Variants in NAGK observed in about 807,000 individuals in gnomAD.
NAGK encodes N-acetylglucosamine kinase, also known as N-acetyl-D-glucosamine kinase.
NAGK carries 35 observed loss-of-function variants against 42.9 expected under a neutral mutation model. The observed-to-expected ratio is 0.82, with a 90% CI of 0.62 to 1.08. The LOEUF is 1.08. Ranked by LOEUF, NAGK falls within the 50% of genes least tolerant of loss-of-function variation. The pLI is 0.00. For synonymous variants in NAGK, 172 were observed against 176.0 expected, an observed-to-expected ratio of 0.98 and a Z score of 0.18; for missense variants, 446 against 446.0, an observed-to-expected ratio of 1.00 and a Z score of 0.00.
chr2:71,073,326 C>A (rs989543948), intron 5 of NAGK, 156 bp from the exon 6 acceptor site: 1 of 424,448 alleles, frequency 2.4e-6, no homozygotes, highest in African/African-American at 2.0e-5. Context: ...ACCCTCCCAC[C>A]CCCCTCTCCC....
rs1169784088 is a variant in NAGK, at chr2:71,079,791, TAAATAA to T, written c.*1292_*1297del. On this transcript the variant is annotated 3_prime_UTR_variant, in exon 10 of 10. Coordinates refer to ENST00000244204, the MANE Select transcript of NAGK (RefSeq NM_017567.6). Reference sequence around the variant, plus strand: ...AGCGAGACTCTGCCTCAAAAAATAATAAATAAAAATAAAATCAGGTTTTTGTCTACT... The same window carrying T: ...AGCGAGACTCTGCCTCAAAAAATAATAAATAAAATCAGGTTTTTGTCTACT... 1.4e-4 allele frequency: 22 copies of T among 152,080 alleles called. No homozygotes were observed. Among genetic ancestry groups the T allele is most frequent in the Admixed American group, 1.4e-3 (22 of 15,262 alleles). The allele number at this position is 152,080 out of a possible 1,614,324, so 9.4% of individuals were successfully genotyped here. A position where few individuals can be genotyped will look rare whatever the true frequency, so the allele number is the denominator to read the frequency against.
chr2:71,077,995 G>A (rs1379091470), intron 9 of NAGK, among the ~76,000 whole-genome samples: 1 of 152,222 alleles, frequency 6.6e-6, no homozygotes, highest in Non-Finnish European at 1.5e-5. Context: ...AAGAGGCCTG[G>A]CTTCTTAGCC....
chr2:71,072,619 G>A (rs1002101997), intron 4 of NAGK, 22 bp from the exon 5 acceptor site: 54 of 1,600,278 alleles, frequency 3.4e-5, no homozygotes, highest in Non-Finnish European at 4.2e-5. Flanking sequence ...GCCACACTGA[G>A]CCTCCTATTC....
chr2:71,070,491 G>A lies in NAGK; in HGVS notation c.30-11G>A. 6.2e-7 allele frequency: 1 copy of A among 1,612,212 alleles called. No individual in the cohort carries two copies. The highest frequency in any genetic ancestry group is 8.5e-7 in the Non-Finnish European group (1 of 1,178,502). ...TCCGAGCAAGATCAAGTGCCCTCTTGTGTTCTGTAGGGGAGGCACACGATC... is the reference window on the plus strand; with the variant it reads ...TCCGAGCAAGATCAAGTGCCCTCTTATGTTCTGTAGGGGAGGCACACGATC... On this transcript the variant is annotated splice_polypyrimidine_tract_variant and intron_variant, in intron 1 of 9. Coordinates refer to ENST00000244204, the MANE Select transcript of NAGK (RefSeq NM_017567.6).
At position 71,073,462 on chromosome 2, in the gene NAGK, G is replaced by T; in HGVS notation, c.467-20G>T. The T allele has an allele frequency of 3.8e-6, 6 of 1,565,988 alleles. No individual in the cohort carries two copies. Among genetic ancestry groups the T allele is most frequent in the Non-Finnish European group, 5.3e-6 (6 of 1,136,476 alleles). On this transcript the variant is annotated intron_variant, in intron 5 of 9. Coordinates refer to ENST00000244204, the MANE Select transcript of NAGK (RefSeq NM_017567.6). The stretch of plus-strand genomic sequence containing the variant: ...CAGGATGACTGCTCCCATCTTCTTA[G>T]CCCTCTCTGCTCCCTGCAGCCTACT...
chr2:71,068,916 C>T, intron 1 of NAGK: 1 of 1,296,870 alleles, frequency 7.7e-7, no homozygotes, highest in South Asian at 2.4e-5. Context: ...GCAACAGCCA[C>T]ACCCCGGGTT....
Position 71,073,538 on chromosome 2 carries a change from G to A in NAGK, c.523G>A (p.Glu175Lys). ...KIVFDSIDNLEAAPHDIGYVK... is the reference protein window; with the variant it reads ...KIVFDSIDNLKAAPHDIGYVK... ...AGTGTTTGACTCCATTGACAACCTA[G>A]AGGCGGCTCCTCATGATATCGGCTA... is the stretch of plus-strand genomic sequence containing the variant. The change falls in exon 6 of 10, where the codon GAG becomes AAG. Residue 175 changes from glutamate to lysine, a missense_variant. Physicochemically the swap from Glu to Lys is moderately conservative, Grantham distance 56. Coordinates refer to ENST00000244204, the MANE Select transcript of NAGK (RefSeq NM_017567.6). The A allele has an allele frequency of 6.2e-7, 1 of 1,614,170 alleles. No homozygotes were observed. The highest frequency in any genetic ancestry group is 1.1e-5 in the South Asian group (1 of 91,084).
At chr2:71,068,356 G>A, upstream of NAGK, 4 of 799,318 alleles carry the variant, frequency 5.0e-6, no homozygotes, top group Non-Finnish European at 7.2e-6. Context: ...GTGTCCTAAG[G>A]GTCCGACCGA....
upstream of NAGK, chr2:71,068,537 G>GC (rs1558722791): frequency 6.1e-6 from 9 of 1,468,012 alleles, no homozygotes; most frequent in African/African-American, 7.4e-5. Context: ...CCGGCGCCCC[G>GC]CCCCGCGCAT....
chr2:71,078,268 T>C (rs1672286898), intron 9 of NAGK, 50 bp from the exon 10 acceptor site: 2 of 1,569,840 alleles, frequency 1.3e-6, no homozygotes, highest in Non-Finnish European at 1.8e-6. Flanking sequence ...CTGGCCCCAG[T>C]ACAGGTTGCT....
chr2:71,075,482 G>A lies in NAGK; in HGVS notation c.580-73G>A, dbSNP rs561688594. 7.1e-5 allele frequency: 86 copies of A among 1,203,134 alleles called. No individual in the cohort carries two copies. In the African/African-American group the frequency reaches 8.5e-4, roughly 12 times the overall value. The allele number at this position is 1,203,134 out of a possible 1,614,324, so 74.5% of individuals were successfully genotyped here. A position where few individuals can be genotyped will look rare whatever the true frequency, so the allele number is the denominator to read the frequency against. On this transcript the variant is annotated intron_variant, in intron 6 of 9. Transcript: ENST00000244204. The stretch of plus-strand genomic sequence containing the variant: ...TTTCCAACAGTAGAGACATTAGGAA[G>A]GCCAACTTTGGTGGGCAGATTGGGG...
chr2:71,072,000 G>T (rs530307527), intron 4 of NAGK, among the ~76,000 whole-genome samples, 173 bp downstream of exon 4: 1 of 152,312 alleles, frequency 6.6e-6, no homozygotes, highest in South Asian at 2.1e-4. Context: ...GCAGCAGGAG[G>T]AAGGGCAAGA....
At chr2:71,076,427 A>T in intron 7 of NAGK, 177 bp from the exon 8 acceptor site, 1 of 562,140 alleles carries the variant, frequency 1.8e-6, no homozygotes. Flanking sequence ...GGTAGCTGGT[A>T]TGTTTGTCAG....
At chr2:71,073,453 ATCT>A in intron 5 of NAGK, 26 bp from the exon 6 acceptor site, 2 of 1,521,990 alleles carry the variant, frequency 1.3e-6, no homozygotes, top group Non-Finnish European at 1.8e-6. Flanking sequence ...GACTGCTCCC[ATCT>A]TCTTAGCCCT....
intron 9 of NAGK, 69 bp from the exon 10 acceptor site, chr2:71,078,249 T>TCTTC (rs1315094504): frequency 1.5e-5 from 23 of 1,509,248 alleles, no homozygotes; most frequent in Non-Finnish European, 2.1e-5. Flanking sequence ...TCCTTGTCTG[T>TCTTC]CTTCCTTCCT....
chr2:71,072,909 T>C, intron 5 of NAGK, 158 bp downstream of exon 5: 2 of 716,934 alleles, frequency 2.8e-6, no homozygotes, highest in South Asian at 3.0e-5. Flanking sequence ...ACTGAGATCA[T>C]AGAGGTGCAA....
At chr2:71,073,316 A>ACCCCCCCCCC in intron 5 of NAGK, 166 bp from the exon 6 acceptor site, 1 of 544,860 alleles carries the variant, frequency 1.8e-6, no homozygotes, top group Non-Finnish European at 3.4e-6. Flanking sequence ...TTTGATAGAG[A>ACCCCCCCCCC]CCCTCCCACC....
intron 6 of NAGK, chr2:71,074,933 T>A (rs1293662908): frequency 6.6e-6 from 1 of 151,904 alleles, no homozygotes; most frequent in Non-Finnish European, 1.5e-5. Context: ...ATAAAAAAAA[T>A]ATTCTGGGGA....
intron 5 of NAGK, 51 bp downstream of exon 5, chr2:71,072,802 C>G: frequency 6.7e-7 from 1 of 1,500,158 alleles, no homozygotes; most frequent in Non-Finnish European, 9.2e-7. Context: ...CTCCTTCCTT[C>G]ACTCCCTGTC....
Sources: gnomAD v4.1 joint callset for allele counts (sites outside exome capture counted in the v4.1 genomes callset) on GRCh38, gnomAD v4.1.1 for gene constraint, MANE v1.5 for transcripts, NCBI Gene and HGNC (gene_info 2026-07-23, HGNC 2026-07-21) for gene names.